Variants in ACAD10 observed in about 807,000 individuals in gnomAD.
ACAD10 encodes acyl-CoA dehydrogenase family member 10, also known as ACAD-10.
A neutral mutation model predicts 116.8 loss-of-function variants in ACAD10; 112 were observed. The ratio of observed to expected loss-of-function variants is 0.96; its 90% CI spans 0.82 to 1.12. ACAD10 has a LOEUF of 1.12. Among genes scored for constraint, ACAD10 ranks in the 50% most tolerant of loss-of-function variants. The probability of loss-of-function intolerance (pLI) is 0.00; values close to 1 mark genes in which losing one functional copy is unlikely to be tolerated. For synonymous variants in ACAD10, 486 were observed against 510.6 expected, an observed-to-expected ratio of 0.95 and a Z score of 0.65; for missense variants, 1,259 against 1,350.2, an observed-to-expected ratio of 0.93 and a Z score of 1.06.
rs1413465908 is a variant in ACAD10, at chr12:111,756,799, T to C, written c.*326T>C. On this transcript the variant is annotated 3_prime_UTR_variant, in exon 21 of 21. Coordinates refer to ENST00000313698, the MANE Select transcript of ACAD10 (RefSeq NM_025247.6). ...TCACTTCAGCCTTTCAGTCCCTCTC[T>C]CTCTGCCTGTGGGAATCTGGACACA... The C allele has an allele frequency of 2.0e-6, 1 of 498,004 alleles. No individual in the cohort carries two copies. The highest frequency in any genetic ancestry group is 2.3e-5 in the Admixed American group (1 of 43,704). The allele number at this position is 498,004 out of a possible 1,614,324, so 30.8% of individuals were successfully genotyped here.
chr12:111,746,374 A>C (rs1593052857), intron 14 of ACAD10, 90 bp downstream of exon 14: 1 of 1,374,114 alleles, frequency 7.3e-7, no homozygotes, highest in Non-Finnish European at 9.6e-7. Context: ...ATTCAGAAGC[A>C]CTGGCATGAA....
chr12:111,748,558 G>A lies in ACAD10; in HGVS notation c.2644+83G>A, dbSNP rs1889983034. On this transcript the variant is annotated intron_variant, in intron 17 of 20. Transcript: ENST00000313698. ...ACTGAGGGGCCCCTGCTCTTGTTCA[G>A]GACTTGCCACATCCCACGTCTGAGG... 4.0e-6 allele frequency: 6 copies of A among 1,498,060 alleles called. No homozygotes were observed. In the South Asian group the frequency reaches 7.1e-5, roughly 18 times the overall value. 92.8% of individuals were successfully genotyped at this position (1,498,060 alleles called of 1,614,324 possible).
chr12:111,748,969 T>C, intron 17 of ACAD10: 1 of 1,562,328 alleles, frequency 6.4e-7, no homozygotes, highest in Non-Finnish European at 8.7e-7. Context: ...AGAATAGTCA[T>C]TTGCCATTAT....
At chr12:111,721,556 A>T in intron 7 of ACAD10, 115 bp from the exon 8 acceptor site, 1 of 967,568 alleles carries the variant, frequency 1.0e-6, no homozygotes, top group Non-Finnish European at 1.5e-6. Context: ...TAACAGAGCG[A>T]GACTGTGTCT....
At chr12:111,723,001 G>A (rs1471893965) in intron 8 of ACAD10, among the ~76,000 whole-genome samples, 3 of 148,982 alleles carry the variant, frequency 2.0e-5, no homozygotes, top group East Asian at 4.1e-4. Context: ...CGGGGCGGGT[G>A]GCCGGGCGGG....
chr12:111,705,971 T>C, intron 4 of ACAD10, 39 bp downstream of exon 4: 1 of 1,599,574 alleles, frequency 6.3e-7, no homozygotes, highest in Non-Finnish European at 8.5e-7. Context: ...GAACAGAATC[T>C]GTGCCCTCGC....
chr12:111,720,814 C>T (rs745761312), intron 7 of ACAD10, among the ~76,000 whole-genome samples: 2 of 151,362 alleles, frequency 1.3e-5, no homozygotes, highest in South Asian at 2.1e-4. Context: ...GATGGAGTCT[C>T]GCTCTGTCAC....
chr12:111,755,729 T>C lies in ACAD10; in HGVS notation c.3023T>C (p.Ile1008Thr), dbSNP rs779138253. 4 of 1,613,796 alleles carry C rather than the reference T, an allele frequency of 2.5e-6. No individual in the cohort carries two copies. Among genetic ancestry groups the C allele is most frequent in the South Asian group, 2.2e-5 (2 of 91,082 alleles). ...GCCCCGTCCATGGCCTCCCGAGTGA[T>C]TGATCGTGCGATTCAGGTGAGCACA... ...MVAPSMASRV[I>T]DRAIQAFGAA... Residue 1008 changes from isoleucine to threonine, a missense_variant, in exon 20 of 21, where the codon ATT becomes ACT. Ile to Thr is a moderately conservative substitution (Grantham distance 89). Coordinates refer to ENST00000313698, the MANE Select transcript of ACAD10 (RefSeq NM_025247.6).
At chr12:111,722,839 C>G (rs901087905) in intron 8 of ACAD10, among the ~76,000 whole-genome samples, 17 of 152,196 alleles carry the variant, frequency 1.1e-4, no homozygotes, top group Non-Finnish European at 1.5e-5. Flanking sequence ...CCCACCTTTC[C>G]TGCCTTTCTA....
At position 111,721,714 on chromosome 12, in the gene ACAD10, G is replaced by A. The variant is rs764354893; in HGVS notation, c.1036G>A (p.Val346Ile). 8 of 1,600,792 alleles carry A rather than the reference G, an allele frequency of 5.0e-6. No homozygotes were observed. The highest frequency in any genetic ancestry group is 2.7e-5 in the African/African-American group (2 of 74,768). The change falls in exon 8 of 21, where the codon GTT becomes ATT. Residue 346 changes from valine (V) to isoleucine (I), a missense_variant. Physicochemically the swap from Val to Ile is conservative, Grantham distance 29. Transcript: ENST00000313698. Reference protein sequence around the residue: ...LANAGVPVPNVLDLCEDSSVI... With the variant: ...LANAGVPVPNILDLCEDSSVI... The stretch of plus-strand genomic sequence containing the variant: ...AAATGCTGGAGTACCTGTCCCTAAC[G>A]TTCTTGATCTCTGTGAAGATTCAAG...
intron 10 of ACAD10, 135 bp from the exon 11 acceptor site, chr12:111,733,788 A>G: frequency 9.6e-7 from 1 of 1,043,650 alleles, no homozygotes; most frequent in East Asian, 2.5e-5. Flanking sequence ...CACACAGCCC[A>G]GGGAGCTCAG....
chr12:111,691,969 T>G (rs190771144), intron 1 of ACAD10, among the ~76,000 whole-genome samples: 66 of 151,730 alleles, frequency 4.3e-4, no homozygotes, highest in African/African-American at 1.6e-3. Flanking sequence ...ATTGAAGGTG[T>G]TGTTTGTTTG....
At position 111,702,355 on chromosome 12, in the gene ACAD10, T is replaced by G. The variant is rs994583634; in HGVS notation, c.336+45T>G. 4.4e-6 allele frequency: 7 copies of G among 1,601,586 alleles called. No homozygotes were observed. In the African/African-American group the frequency reaches 9.4e-5, roughly 22 times the overall value. Reference sequence around the variant, plus strand: ...ACATTTCCATATTTTTCTTTTTGCCTTGAGTAGTGGTTGCAACATTCATGT... The same window carrying G: ...ACATTTCCATATTTTTCTTTTTGCCGTGAGTAGTGGTTGCAACATTCATGT... On this transcript the variant is annotated intron_variant, in intron 3 of 20. Transcript: ENST00000313698.
At chr12:111,700,748 C>CTTTTTTTTTT (rs750378233) in intron 2 of ACAD10, among the ~76,000 whole-genome samples, 1 of 89,930 alleles carries the variant, frequency 1.1e-5, no homozygotes, top group African/African-American at 4.4e-5. Context: ...CCTTCCTCTT[C>CTTTTTTTTTT]TTTTTTTTTT....
intron 11 of ACAD10, among the ~76,000 whole-genome samples, chr12:111,735,141 G>A (rs2135979980): frequency 6.6e-6 from 1 of 151,176 alleles, no homozygotes; most frequent in Non-Finnish European, 1.5e-5. Context: ...GGAGAATGGT[G>A]TGAACCCGGG....
chr12:111,691,876 C>T (rs1006217340), intron 1 of ACAD10, among the ~76,000 whole-genome samples: 15 of 152,094 alleles, frequency 9.9e-5, no homozygotes, highest in Non-Finnish European at 2.1e-4. Context: ...AGATTACAGG[C>T]GTGTGCCACT....
At chr12:111,730,066 A>T (rs1409101976) in intron 10 of ACAD10, 110 bp downstream of exon 10, 2 of 1,426,208 alleles carry the variant, frequency 1.4e-6, no homozygotes, top group African/African-American at 2.8e-5. Flanking sequence ...CCTATTACAA[A>T]GCACCTGTCT....
At chr12:111,743,337 C>G (rs2135986642) in intron 12 of ACAD10, among the ~76,000 whole-genome samples, 1 of 149,434 alleles carries the variant, frequency 6.7e-6, no homozygotes. Context: ...CAAAAGTACA[C>G]TGGGGAAATT....
chr12:111,747,404 A>G lies in ACAD10; in HGVS notation c.2485+19A>G. The G allele has an allele frequency of 6.2e-7, 1 of 1,613,688 alleles. No homozygotes were observed. The highest frequency in any genetic ancestry group is 8.5e-7 in the Non-Finnish European group (1 of 1,179,592). On this transcript the variant is annotated intron_variant, in intron 16 of 20. Coordinates refer to ENST00000313698, the MANE Select transcript of ACAD10 (RefSeq NM_025247.6). ...ATCACAGGTATTTGGCCTAAAATGC[A>G]CTTTCCAAATGCACATCAGGGAGTC...
Sources: allele counts gnomAD v4.1 joint callset (sites outside exome capture counted in the v4.1 genomes callset), GRCh38; gene constraint gnomAD v4.1.1; transcripts MANE v1.5; gene names NCBI Gene and HGNC (gene_info 2026-07-23, HGNC 2026-07-21).